Variants in GALNT13 observed in about 807,000 individuals in gnomAD.
GALNT13 encodes the protein UDP-GalNAc:polypeptide N-acetylgalactosaminyltransferase 13.
Under a neutral mutation model 64.2 loss-of-function variants are expected in GALNT13, and 28 were observed. The ratio of observed to expected loss-of-function variants is 0.44; its 90% CI spans 0.32 to 0.60. The LOEUF is 0.60. Ranked by LOEUF, GALNT13 falls within the 20% of genes least tolerant of loss-of-function variation. The pLI is 0.05. For missense variants in GALNT13, 577 were observed against 669.8 expected (o/e 0.86, Z 1.53); for synonymous variants, 214 against 224.6 (o/e 0.95, Z 0.42).
the GALNT13 span, among the ~76,000 whole-genome samples, chr2:153,412,086 G>A: frequency 6.6e-6 from 1 of 152,144 alleles, no homozygotes; most frequent in African/African-American, 2.4e-5. Context: ...TTCTGCCCTG[G>A]AACATCCAAC....
At chr2:153,615,562 TA>T in the GALNT13 span, among the ~76,000 whole-genome samples, 1 of 152,062 alleles carries the variant, frequency 6.6e-6, no homozygotes, top group Non-Finnish European at 1.5e-5. Context: ...CTTTGGGATG[TA>T]AGCCATTTCA....
chr2:153,197,403 C>G, the GALNT13 span, among the ~76,000 whole-genome samples: 2 of 152,190 alleles, frequency 1.3e-5, no homozygotes, highest in South Asian at 4.1e-4. Context: ...GAGGCAAGCT[C>G]CAGGCATCCA....
intron 1 of GALNT13, among the ~76,000 whole-genome samples, chr2:153,899,400 G>A (rs958783941): frequency 6.6e-6 from 1 of 152,078 alleles, no homozygotes; most frequent in Non-Finnish European, 1.5e-5. Flanking sequence ...TAATTGTATT[G>A]AATTATATGT....
chr2:153,423,072 C>T, the GALNT13 span, among the ~76,000 whole-genome samples: 2 of 151,718 alleles, frequency 1.3e-5, no homozygotes, highest in Non-Finnish European at 1.5e-5. Context: ...GAAAAAATTT[C>T]AGATCATTAT....
rs74693400 is a variant in GALNT13, at chr2:154,260,193, A to G, written c.975+1055A>G. Among the ~76,000 whole-genome samples, 10 of 152,190 alleles carry G rather than the reference A, an allele frequency of 6.6e-5. No homozygotes were observed. The East Asian group carries it at 1.9e-3, about 29-fold the overall frequency. ...GAGCCACCACACCCAGCTTCAGTGT[A>G]AAATATATGAAACATTCCATCTTCG... On this transcript the variant is annotated intron_variant, in intron 8 of 12. Coordinates refer to ENST00000392825, the MANE Select transcript of GALNT13 (RefSeq NM_052917.4).
chr2:153,193,524 C>T, the GALNT13 span, among the ~76,000 whole-genome samples: 1 of 151,448 alleles, frequency 6.6e-6, no homozygotes, highest in Non-Finnish European at 1.5e-5. Flanking sequence ...TGCAGTGCAC[C>T]AGCACGGCAC....
At chr2:153,673,290 A>G in the GALNT13 span, among the ~76,000 whole-genome samples, 2 of 152,196 alleles carry the variant, frequency 1.3e-5, no homozygotes. Context: ...CCTGATGAAC[A>G]TCAATGCAAA....
At chr2:153,153,274 A>C in the GALNT13 span, among the ~76,000 whole-genome samples, 1 of 151,938 alleles carries the variant, frequency 6.6e-6, no homozygotes, top group East Asian at 1.9e-4. Flanking sequence ...AAATTTGTTT[A>C]AGTTCCTTAT....
At chr2:153,423,210 TA>T in the GALNT13 span, among the ~76,000 whole-genome samples, 6 of 151,828 alleles carry the variant, frequency 4.0e-5, no homozygotes, top group Non-Finnish European at 8.9e-5. Context: ...ATAACAATGT[TA>T]AAACGTGATA....
chr2:153,269,716 A>G, the GALNT13 span, among the ~76,000 whole-genome samples: 2 of 84,554 alleles, frequency 2.4e-5, no homozygotes, highest in Non-Finnish European at 5.0e-5. Flanking sequence ...ATTTATAAAC[A>G]AAAGGAGTTT....
At chr2:153,937,077 G>T (rs564211661) in intron 2 of GALNT13, among the ~76,000 whole-genome samples, 1 of 152,164 alleles carries the variant, frequency 6.6e-6, no homozygotes, top group East Asian at 1.9e-4. Flanking sequence ...ATTATAATGG[G>T]GGTGCATTTA....
chr2:153,518,416 T>C, the GALNT13 span, among the ~76,000 whole-genome samples: 3 of 152,060 alleles, frequency 2.0e-5, no homozygotes, highest in Non-Finnish European at 4.4e-5. Flanking sequence ...TTTATAAAAA[T>C]GAGAATGAAT....
At chr2:153,271,214 C>A in the GALNT13 span, among the ~76,000 whole-genome samples, 2 of 152,150 alleles carry the variant, frequency 1.3e-5, no homozygotes, top group Admixed American at 6.5e-5. Context: ...CAACACAAGA[C>A]AAAGATGCCC....
At chr2:153,821,884 G>A in the GALNT13 span, among the ~76,000 whole-genome samples, 1 of 152,034 alleles carries the variant, frequency 6.6e-6, no homozygotes, top group African/African-American at 2.4e-5. Flanking sequence ...ACCACAACCA[G>A]AAATGACAAT....
chr2:153,856,483 T>C, the GALNT13 span, among the ~76,000 whole-genome samples: 2 of 152,088 alleles, frequency 1.3e-5, no homozygotes, highest in South Asian at 4.1e-4. Flanking sequence ...GAATGACCAT[T>C]TCACCAAAGA....
chr2:153,342,745 GA>G, the GALNT13 span, among the ~76,000 whole-genome samples: 1,299 of 152,226 alleles, frequency 8.5e-3, 22 homozygotes, highest in African/African-American at 0.029. Flanking sequence ...CAGCATTATA[GA>G]TGTCTCATCT....
chr2:153,131,196 A>G, the GALNT13 span, among the ~76,000 whole-genome samples: 1 of 152,192 alleles, frequency 6.6e-6, no homozygotes, highest in Non-Finnish European at 1.5e-5. Context: ...TCCACAATTC[A>G]TCAGCTACCT....
At chr2:153,241,674 T>TGC in the GALNT13 span, among the ~76,000 whole-genome samples, 1 of 151,898 alleles carries the variant, frequency 6.6e-6, no homozygotes, top group African/African-American at 2.4e-5. Flanking sequence ...TGTGTGTGTG[T>TGC]GTGTAGGTGG....
the GALNT13 span, among the ~76,000 whole-genome samples, chr2:153,554,652 GTA>G: frequency 3.4e-5 from 5 of 145,506 alleles, no homozygotes; most frequent in East Asian, 2.2e-4. Flanking sequence ...CCGGGATGCT[GTA>G]TATGTGTGTG....
Sources: gnomAD v4.1 joint callset for allele counts (sites outside exome capture counted in the v4.1 genomes callset) on GRCh38, gnomAD v4.1.1 for gene constraint, MANE v1.5 for transcripts, NCBI Gene and HGNC (gene_info 2026-07-23, HGNC 2026-07-21) for gene names.